NBPF12: variants seen among roughly 807,000 people sequenced by gnomAD.
The protein encoded by NBPF12 is NBPF family member NBPF12.
In NBPF12, 115 loss-of-function variants were observed where a neutral mutation model predicts 146.4. The observed-to-expected ratio is 0.79, with a 90% CI of 0.68 to 0.92. The LOEUF (loss-of-function observed/expected upper bound fraction) is 0.92. Among genes scored for constraint, NBPF12 ranks in the 40% least tolerant of loss-of-function variants. NBPF12 has a pLI of 0.00. For synonymous variants in NBPF12, 385 were observed against 508.9 expected (o/e 0.76, Z 3.28); for missense variants, 1,205 against 1,326.8 (o/e 0.91, Z 1.43).
chr1:146,952,321 G>A (rs1308444092), intron 2 of NBPF12, among the ~76,000 whole-genome samples: 5 of 152,188 alleles, frequency 3.3e-5, no homozygotes, highest in East Asian at 1.9e-4. Flanking sequence ...AGGGCCGTGT[G>A]GTCTGTGGTT....
In NBPF12 at chr1:146,972,734, G is replaced by A. The variant is rs1553886761; in HGVS notation, c.1592-17G>A. Reference sequence around the variant, plus strand: ...TCAGTTTTTAACCCATCATGTGTTTGCCTTTCTTCTCCCCAGTCCCTGGCC... The same window carrying A: ...TCAGTTTTTAACCCATCATGTGTTTACCTTTCTTCTCCCCAGTCCCTGGCC... On this transcript the variant is annotated splice_polypyrimidine_tract_variant and intron_variant, in intron 13 of 33. Coordinates refer to ENST00000617844, the Ensembl canonical transcript of NBPF12. 2.6e-5 allele frequency: 35 copies of A among 1,357,668 alleles called. 1 individual carries two copies. The South Asian group carries it at 3.7e-4, about 14-fold the overall frequency. The allele number at this position is 1,357,668 out of a possible 1,614,324, so 84.1% of individuals were successfully genotyped here.
intron 1 of NBPF12, 122 bp from the exon 5 acceptor site, chr1:146,951,226 G>A: frequency 1.6e-6 from 1 of 639,476 alleles, no homozygotes. Flanking sequence ...GCTTCTCTCA[G>A]GCCACACAGG....
Position 146,972,990 on chromosome 1 carries a change from G to T in NBPF12, c.1801+30G>T, listed in dbSNP as rs1553886834. 15 of 900,472 alleles carry T rather than the reference G, an allele frequency of 1.7e-5. No homozygotes were observed. In the South Asian group the frequency reaches 1.8e-4, roughly 11 times the overall value. The allele number at this position is 900,472 out of a possible 1,614,324, so 55.8% of individuals were successfully genotyped here. On this transcript the variant is annotated intron_variant, in intron 14 of 33. Transcript: ENST00000617844. ...GATCTATATGCTCACCATCATGAAA[G>T]TGATGAACGAAGTCCTGTCTTCTCT...
chr1:146,973,082 A>G, intron 14 of NBPF12, 122 bp downstream of exon 17: 1 of 649,596 alleles, frequency 1.5e-6, no homozygotes, highest in East Asian at 2.7e-5. Context: ...GGAAAACAGA[A>G]ATGGGTATTT....
At chr1:146,938,711 C>G (rs1399820175), upstream of NBPF12, 1 of 145,650 alleles carries the variant, frequency 6.9e-6, no homozygotes, top group Non-Finnish European at 1.5e-5. Context: ...CCAGCTGCGC[C>G]TGTGCCTTGG....
intron 4 of NBPF12, among the ~76,000 whole-genome samples, chr1:146,961,658 A>G (rs1335045006): frequency 1.3e-5 from 2 of 152,024 alleles, no homozygotes; most frequent in Admixed American, 6.5e-5. Context: ...TGCTTCAGAT[A>G]TGATTCTTAA....
upstream of NBPF12, among the ~76,000 whole-genome samples, chr1:146,946,166 CAGTT>C (rs1244069948): frequency 6.6e-6 from 1 of 150,976 alleles, no homozygotes; most frequent in Non-Finnish European, 1.5e-5. Flanking sequence ...GGCTACAACA[CAGTT>C]TGTTTATTCA....
chr1:146,964,451 C>G, intron 7 of NBPF12, 22 bp downstream of exon 10: 2 of 1,597,550 alleles, frequency 1.3e-6, no homozygotes, highest in Non-Finnish European at 1.7e-6. Context: ...TACTCAGGAG[C>G]AAGTAATGGG....
At chr1:146,961,588 C>T (rs1227763444) in intron 4 of NBPF12, among the ~76,000 whole-genome samples, 2 of 149,884 alleles carry the variant, frequency 1.3e-5, no homozygotes, top group Non-Finnish European at 2.9e-5. Flanking sequence ...GCCTCTCATA[C>T]TAATAAAGTA....
upstream of NBPF12, among the ~76,000 whole-genome samples, chr1:146,947,501 G>A (rs1255579732): frequency 7.1e-6 from 1 of 141,606 alleles, no homozygotes; most frequent in Non-Finnish European, 1.5e-5. Context: ...AAACCCAAAA[G>A]TTTGTTTAAA....
chr1:146,984,213 A>T, intron 21 of NBPF12, 28 bp downstream of exon 24: 3 of 772,642 alleles, frequency 3.9e-6, no homozygotes, highest in East Asian at 4.9e-5. Flanking sequence ...TGGACAGTTA[A>T]TTTGATGTTG....
intron 25 of NBPF12, among the ~76,000 whole-genome samples, 195 bp from the exon 29 acceptor site, chr1:146,987,759 G>GTCTA (rs1307714267): frequency 6.6e-6 from 1 of 151,394 alleles, no homozygotes; most frequent in Non-Finnish European, 1.5e-5. Context: ...GTGTGTGTGT[G>GTCTA]TCTGTCTTTC....
At chr1:146,950,897 A>G (rs1655297235) in intron 1 of NBPF12, among the ~76,000 whole-genome samples, 16 of 152,106 alleles carry the variant, frequency 1.1e-4, no homozygotes, top group Non-Finnish European at 4.4e-5. Context: ...TTTTCTGCAC[A>G]TATGTTTTAA....
upstream of NBPF12, among the ~76,000 whole-genome samples, chr1:146,946,187 TG>T (rs1334577349): frequency 0.042 from 6,437 of 151,664 alleles, 534 homozygotes; most frequent in African/African-American, 0.15. Context: ...TTCATTCACT[TG>T]GTGAAAGACG....
At chr1:146,943,511 A>G (rs1240973778) in exon 2 of NBPF12, 18 of 1,451,916 alleles carry the variant, frequency 1.2e-5, no homozygotes, top group African/African-American at 2.9e-5. Flanking sequence ...CAGTGCACCA[A>G]GAGCAGCCTC....
chr1:146,986,113 G>T (rs1299937873), intron 23 of NBPF12, among the ~76,000 whole-genome samples: 4 of 150,806 alleles, frequency 2.7e-5, no homozygotes, highest in Admixed American at 6.6e-5. Flanking sequence ...TGTGTCACCC[G>T]GCCAATTCGC....
At chr1:146,961,522 A>T (rs1346908641) in intron 4 of NBPF12, among the ~76,000 whole-genome samples, 6 of 152,290 alleles carry the variant, frequency 3.9e-5, no homozygotes, top group Non-Finnish European at 7.3e-5. Context: ...CTAAATTAAC[A>T]CAAACTAATC....
intron 13 of NBPF12, 41 bp from the exon 17 acceptor site, chr1:146,972,710 C>G (rs1656735138): frequency 2.1e-5 from 29 of 1,381,496 alleles, no homozygotes; most frequent in Non-Finnish European, 2.7e-5. Flanking sequence ...TTCATTTCAT[C>G]AGTTTTTAAC....
chr1:146,964,892 G>A lies in NBPF12; in HGVS notation c.567-1G>A. 2 of 1,585,356 alleles carry A rather than the reference G, an allele frequency of 1.3e-6. No individual in the cohort carries two copies. The highest frequency in any genetic ancestry group is 1.7e-5 in the Admixed American group (1 of 59,948). ...CATCTCTGTCCCACCTGGCTCATCA[G>A]GGAGGTGCAGAAGGCTGAAGAGAGC... On this transcript the variant is annotated splice_acceptor_variant, in intron 7 of 33. Transcript: ENST00000617844. LOFTEE classifies it high-confidence loss of function.
Sources: gnomAD v4.1 joint callset for allele counts (sites outside exome capture counted in the v4.1 genomes callset) on GRCh38, gnomAD v4.1.1 for gene constraint, MANE v1.5 for transcripts, NCBI Gene and HGNC (gene_info 2026-07-23, HGNC 2026-07-21) for gene names.